The following ZNF331 variants were observed in gnomAD, a reference collection of about 807,000 sequenced individuals.
The protein encoded by ZNF331 is C2H2-like zinc finger protein rearranged in thyroid adenomas.
A neutral mutation model predicts 7.0 loss-of-function variants in ZNF331; 2 were observed. The observed-to-expected ratio is 0.29, with a 90% CI of 0.12 to 0.90. The LOEUF (loss-of-function observed/expected upper bound fraction) is 0.90, where lower values mean the gene tolerates loss of function less well. Among genes scored for constraint, ZNF331 ranks in the 40% least tolerant of loss-of-function variants. The pLI is 0.58. For synonymous variants in ZNF331, 196 were observed against 205.4 expected (o/e 0.95, Z 0.39); for missense variants, 432 against 587.7 (o/e 0.74, Z 2.74).
chr19:53,533,022 C>T (rs546824093), intron 2 of ZNF331, among the ~76,000 whole-genome samples: 9 of 151,648 alleles, frequency 5.9e-5, no homozygotes, highest in South Asian at 2.1e-4. Context: ...ATTTTTATTC[C>T]GACTTTTATT....
the ZNF331 span, among the ~76,000 whole-genome samples, chr19:53,504,907 G>A: frequency 6.6e-6 from 1 of 152,202 alleles, no homozygotes; most frequent in Non-Finnish European, 1.5e-5. Flanking sequence ...CCAAACTGGA[G>A]TGAAATGAGA....
rs1261114183 is a variant in ZNF331 at position 53,577,838 on chromosome 19, T to C, written c.1278T>C (p.Leu426=). 1.2e-6 allele frequency: 2 copies of C among 1,613,886 alleles called. No homozygotes were observed. The highest frequency in any genetic ancestry group is 1.7e-6 in the Non-Finnish European group (2 of 1,180,006). Residue 426 remains leucine (L), a synonymous_variant, in exon 6 of 6, where the codon CTT becomes CTC. Coordinates refer to ENST00000449416, the MANE Select transcript of ZNF331 (RefSeq NM_001079906.2). The part of the protein sequence containing the change: ...CGKSFSHGHQ[L]TQHQKTHSGA... ...AGAGCTTTAGTCACGGCCATCAGCTTACACAACATCAGAAAACGCACAGTG... is the reference window on the plus strand; with the variant it reads ...AGAGCTTTAGTCACGGCCATCAGCTCACACAACATCAGAAAACGCACAGTG...
intron 2 of ZNF331, among the ~76,000 whole-genome samples, chr19:53,532,962 C>G (rs1222455722): frequency 6.6e-6 from 1 of 151,974 alleles, no homozygotes; most frequent in Non-Finnish European, 1.5e-5. Flanking sequence ...TTCAAAAAAT[C>G]AACTCTTAGT....
the ZNF331 span, among the ~76,000 whole-genome samples, chr19:53,508,867 G>T: frequency 6.6e-6 from 1 of 152,146 alleles, no homozygotes; most frequent in African/African-American, 2.4e-5. Context: ...GGGATCATGA[G>T]AATAAAGATG....
At chr19:53,562,401 A>G (rs2089935900) in intron 3 of ZNF331, among the ~76,000 whole-genome samples, 1 of 152,094 alleles carries the variant, frequency 6.6e-6, no homozygotes, top group Non-Finnish European at 1.5e-5. Context: ...ATAGAACACA[A>G]GATTCACGCC....
chr19:53,575,734 A>G lies in ZNF331; in HGVS notation c.137-963A>G, dbSNP rs142612548. On this transcript the variant is annotated intron_variant, in intron 5 of 5. Transcript: ENST00000449416. ...AGTCTAGCTCTGTCACCCAGGCTGG[A>G]GTGCAGTGGCACAATCTCGGCTCAC... Among the ~76,000 whole-genome samples, 642 of 146,962 alleles carry G rather than the reference A, an allele frequency of 4.4e-3. 1 individual carries two copies. Among genetic ancestry groups the G allele is most frequent in the Non-Finnish European group, 7.2e-3 (482 of 67,296 alleles).
At chr19:53,545,267 G>C (rs576133531) in intron 2 of ZNF331, among the ~76,000 whole-genome samples, 10 of 152,228 alleles carry the variant, frequency 6.6e-5, no homozygotes, top group African/African-American at 2.4e-4. Flanking sequence ...GTGGAATTTT[G>C]AGTCAAAATT....
chr19:53,535,472 A>C (rs2087711042), upstream of ZNF331, among the ~76,000 whole-genome samples: 1 of 152,178 alleles, frequency 6.6e-6, no homozygotes, highest in Non-Finnish European at 1.5e-5. Flanking sequence ...CTCCACCTCT[A>C]AGCATGTGTG....
upstream of ZNF331, among the ~76,000 whole-genome samples, chr19:53,520,475 G>A (rs1184844901): frequency 6.6e-6 from 1 of 152,218 alleles, no homozygotes; most frequent in Non-Finnish European, 1.5e-5. Flanking sequence ...ATTTTTTGTG[G>A]TGCGCCTTAG....
rs753782447 is a variant in ZNF331, at chr19:53,560,692, C to G, written c.-74+4784C>G. ...GTCCTTGCTTTTGCTGGCTTCTAGA[C>G]GCCGCCCACACTCCTTAGTTCGTGA... On this transcript the variant is annotated intron_variant, in intron 3 of 5. Coordinates refer to ENST00000449416, the MANE Select transcript of ZNF331 (RefSeq NM_001079906.2). This position sits in a 1 kb window ranked among gnomAD's most constrained non-coding sequence, Gnocchi z 4.3. Among the ~76,000 whole-genome samples, 1 of 152,100 alleles carries G rather than the reference C, an allele frequency of 6.6e-6. No homozygotes were observed. The highest frequency in any genetic ancestry group is 1.5e-5 in the Non-Finnish European group (1 of 68,022).
chr19:53,509,075 T>C, the ZNF331 span, among the ~76,000 whole-genome samples: 1 of 152,040 alleles, frequency 6.6e-6, no homozygotes, highest in Non-Finnish European at 1.5e-5. Context: ...GCCAGGACTG[T>C]GTTAGTTTCA....
At chr19:53,553,097 A>G (rs2089117525) in intron 2 of ZNF331, among the ~76,000 whole-genome samples, 4 of 152,160 alleles carry the variant, frequency 2.6e-5, no homozygotes, top group Admixed American at 2.6e-4. Flanking sequence ...CTTTCAATTT[A>G]CATGAATCAG....
intron 2 of ZNF331, among the ~76,000 whole-genome samples, chr19:53,546,162 T>TATATATATATATATATATATATATA (rs1568486289): frequency 2.0e-5 from 2 of 97,886 alleles, no homozygotes; most frequent in African/African-American, 6.2e-5. Flanking sequence ...AAAAAAAAAA[T>TATATATATATATATATATATATATA]TATTATTTAG....
At chr19:53,520,573 G>A (rs2087028971), upstream of ZNF331, among the ~76,000 whole-genome samples, 1 of 152,004 alleles carries the variant, frequency 6.6e-6, no homozygotes, top group African/African-American at 2.4e-5. Context: ...TTTCCCAGAA[G>A]TCTATGGGGG....
At chr19:53,566,235 C>G (rs926075085) in intron 3 of ZNF331, among the ~76,000 whole-genome samples, 1 of 152,158 alleles carries the variant, frequency 6.6e-6, no homozygotes. Context: ...TGTGACAACA[C>G]CTGTTCCATG....
the ZNF331 span, among the ~76,000 whole-genome samples, chr19:53,507,711 A>T: frequency 2.0e-5 from 3 of 152,108 alleles, no homozygotes; most frequent in Non-Finnish European, 4.4e-5. Context: ...CAACGGTCAG[A>T]CTTGGGGCCA....
At position 53,560,190 on chromosome 19, in the gene ZNF331, CATATATACACACACCAT is replaced by C; in HGVS notation, c.-74+4296_-74+4312del. Among the ~76,000 whole-genome samples, 1 of 150,454 alleles carries C rather than the reference CATATATACACACACCAT, an allele frequency of 6.6e-6. No homozygotes were observed. The highest frequency in any genetic ancestry group is 2.4e-5 in the African/African-American group (1 of 41,130). On this transcript the variant is annotated intron_variant, in intron 3 of 5. Transcript: ENST00000449416. The surrounding 1 kb of genome is among the most constrained non-coding windows in gnomAD (Gnocchi z 4.3). ...CATATATACACACACCATACACACA[CATATATACACACACCAT>C]ATATATACACACATATATACACATC...
chr19:53,569,462 C>T, intron 4 of ZNF331, 77 bp downstream of exon 4: 2 of 1,519,768 alleles, frequency 1.3e-6, no homozygotes, highest in Non-Finnish European at 1.8e-6. Context: ...TATCTGAAGC[C>T]TTTTATCTAG....
intron 2 of ZNF331, chr19:53,554,717 A>G: frequency 6.6e-6 from 1 of 152,246 alleles, no homozygotes; most frequent in Non-Finnish European, 1.5e-5. Context: ...CCATGGCTCC[A>G]AGGGGAGACG....
Sources: allele counts gnomAD v4.1 joint callset (sites outside exome capture counted in the v4.1 genomes callset), GRCh38; gene constraint gnomAD v4.1.1; non-coding constraint Gnocchi (gnomAD v3.1); transcripts MANE v1.5; gene names NCBI Gene and HGNC (gene_info 2026-07-23, HGNC 2026-07-21).